The following CDH13 variants were observed in gnomAD, a reference collection of about 807,000 sequenced individuals.
The protein encoded by CDH13 is cadherin 13.
Under a neutral mutation model 63.8 loss-of-function variants are expected in CDH13, and 24 were observed. The ratio of observed to expected loss-of-function variants is 0.38; its 90% confidence interval spans 0.27 to 0.53. The LOEUF is 0.53. CDH13 is among the 20% of genes least tolerant of loss of function. The probability of loss-of-function intolerance (pLI) is 0.85; values close to 1 mark genes in which losing one functional copy is unlikely to be tolerated. For missense variants in CDH13, 1,049 were observed against 903.1 expected (o/e 1.16, Z -2.07); for synonymous variants, 503 against 355.3 (o/e 1.42, Z -4.67).
At chr16:83,552,736 G>C (rs2075528990) in intron 7 of CDH13, among the ~76,000 whole-genome samples, 1 of 152,192 alleles carries the variant, frequency 6.6e-6, no homozygotes, top group African/African-American at 2.4e-5. Context: ...AGAGATTACT[G>C]CATTTCAGGG....
At chr16:83,310,339 G>T (rs1174429193) in intron 5 of CDH13, among the ~76,000 whole-genome samples, 2 of 152,316 alleles carry the variant, frequency 1.3e-5, no homozygotes, top group African/African-American at 4.8e-5. Context: ...TTCTGTGATT[G>T]TTGCTTGAGA....
intron 8 of CDH13, chr16:83,654,816 C>T (rs1280009084): frequency 6.6e-6 from 1 of 152,174 alleles, no homozygotes; most frequent in Non-Finnish European, 1.5e-5. Flanking sequence ...TGCATGATTT[C>T]CCACCAACCC....
At chr16:83,675,784 G>C (rs1008806114) in intron 9 of CDH13, among the ~76,000 whole-genome samples, 1 of 152,076 alleles carries the variant, frequency 6.6e-6, no homozygotes, top group Non-Finnish European at 1.5e-5. Flanking sequence ...AAAAAATAGG[G>C]AATTTAAAAG....
At position 83,312,155 on chromosome 16, in the gene CDH13, C is replaced by T. The variant is rs556841436; in HGVS notation, c.637-32707C>T. On this transcript the variant is annotated intron_variant, in intron 5 of 13. Transcript: ENST00000567109. Reference sequence around the variant, plus strand: ...TGTATTACAAGTTCTTTTTCATTTTCTGCCCTTGATTGCACAATCTCCTTC... The same window carrying T: ...TGTATTACAAGTTCTTTTTCATTTTTTGCCCTTGATTGCACAATCTCCTTC... Among the ~76,000 whole-genome samples the T allele has an allele frequency of 1.2e-3, 179 of 149,064 alleles. 1 individual carries two copies. The highest frequency in any genetic ancestry group is 4.2e-3 in the African/African-American group (172 of 40,598).
At chr16:83,156,572 A>G (rs1323160169) in intron 4 of CDH13, among the ~76,000 whole-genome samples, 2 of 152,268 alleles carry the variant, frequency 1.3e-5, no homozygotes, top group African/African-American at 2.4e-5. Flanking sequence ...TTGTTGCACA[A>G]AGGTTTATGT....
chr16:82,974,782 A>C (rs750632368), intron 2 of CDH13, among the ~76,000 whole-genome samples: 1 of 152,234 alleles, frequency 6.6e-6, no homozygotes, highest in Non-Finnish European at 1.5e-5. Context: ...CATGTAGAAC[A>C]TGTAAAAGAA....
chr16:83,430,282 G>C (rs546462414), intron 6 of CDH13, among the ~76,000 whole-genome samples: 1 of 152,214 alleles, frequency 6.6e-6, no homozygotes, highest in Non-Finnish European at 1.5e-5. Context: ...CATGTTTGTT[G>C]CATGAAGATT....
chr16:83,668,713 G>C (rs1236713090), intron 8 of CDH13, among the ~76,000 whole-genome samples: 1 of 152,200 alleles, frequency 6.6e-6, no homozygotes, highest in Non-Finnish European at 1.5e-5. Flanking sequence ...GGAGACTTAG[G>C]TCTGATCTTT....
intron 7 of CDH13, among the ~76,000 whole-genome samples, chr16:83,545,976 T>G (rs926698607): frequency 3.3e-5 from 5 of 152,188 alleles, no homozygotes; most frequent in African/African-American, 1.2e-4. Flanking sequence ...GAGCCATTGT[T>G]CTAGCTGGGG....
intron 1 of CDH13, among the ~76,000 whole-genome samples, chr16:82,773,710 A>G (rs1211205753): frequency 6.6e-6 from 1 of 152,102 alleles, no homozygotes; most frequent in Non-Finnish European, 1.5e-5. Flanking sequence ...CTGAAAATAA[A>G]TCTTGCCTTA....
intron 13 of CDH13, among the ~76,000 whole-genome samples, chr16:83,790,585 A>C (rs1352092583): frequency 6.6e-6 from 1 of 151,898 alleles, no homozygotes; most frequent in Non-Finnish European, 1.5e-5. Flanking sequence ...TTGTATTTTT[A>C]GTAGACATGG....
At chr16:83,358,453 A>G (rs367860673) in intron 6 of CDH13, among the ~76,000 whole-genome samples, 58 of 152,322 alleles carry the variant, frequency 3.8e-4, no homozygotes, top group African/African-American at 1.3e-3. Flanking sequence ...TGCCTGCGGA[A>G]TGCCATGGCA....
At position 83,428,798 on chromosome 16, in the gene CDH13, C is replaced by T. The variant is rs111252073; in HGVS notation, c.782-57679C>T. On this transcript the variant is annotated intron_variant, in intron 6 of 13. Coordinates refer to ENST00000567109, the MANE Select transcript of CDH13 (RefSeq NM_001257.5). ...TGTTTTATGGAAAATCTATTTGGTG[C>T]GTGAATTCTGTTGTTTTCTTGTGAA... Among the ~76,000 whole-genome samples the T allele has an allele frequency of 3.4e-3, 520 of 152,318 alleles. 2 individuals carry two copies. Among genetic ancestry groups the T allele is most frequent in the African/African-American group, 0.012 (508 of 41,572 alleles).
intron 3 of CDH13, among the ~76,000 whole-genome samples, chr16:83,087,321 C>G (rs566951939): frequency 6.6e-6 from 1 of 152,052 alleles, no homozygotes; most frequent in Non-Finnish European, 1.5e-5. Flanking sequence ...ATATAAAAAG[C>G]TAGCAAGGTC....
At chr16:83,269,725 A>C (rs2088741941) in intron 5 of CDH13, among the ~76,000 whole-genome samples, 1 of 151,992 alleles carries the variant, frequency 6.6e-6, no homozygotes, top group Non-Finnish European at 1.5e-5. Context: ...ATCCTCTTTG[A>C]CCTCTGGCCA....
At chr16:82,898,831 G>C (rs1009756098) in intron 2 of CDH13, among the ~76,000 whole-genome samples, 4 of 151,906 alleles carry the variant, frequency 2.6e-5, no homozygotes, top group African/African-American at 9.7e-5. Flanking sequence ...TCTCAAGTTG[G>C]GTTTTCTAGG....
chr16:83,699,286 A>G (rs1376777620), intron 10 of CDH13, among the ~76,000 whole-genome samples: 1 of 152,230 alleles, frequency 6.6e-6, no homozygotes, highest in Non-Finnish European at 1.5e-5. Context: ...CTGTCAACAA[A>G]TCAAAATAAT....
chr16:82,998,162 A>G (rs1171627968), intron 2 of CDH13, among the ~76,000 whole-genome samples: 2 of 152,164 alleles, frequency 1.3e-5, no homozygotes, highest in Non-Finnish European at 2.9e-5. Context: ...GGAACTTTTT[A>G]TATTTCGTCA....
intron 7 of CDH13, among the ~76,000 whole-genome samples, chr16:83,532,053 C>G (rs893778673): frequency 3.9e-5 from 6 of 152,104 alleles, no homozygotes; most frequent in African/African-American, 1.4e-4. Flanking sequence ...GTGAGGAAGT[C>G]TCATGAGATC....
Sources: allele counts gnomAD v4.1 joint callset (sites outside exome capture counted in the v4.1 genomes callset), GRCh38; gene constraint gnomAD v4.1.1; transcripts MANE v1.5; gene names NCBI Gene and HGNC (gene_info 2026-07-23, HGNC 2026-07-21).